The following CKAP5 variants were observed in gnomAD, a reference collection of about 807,000 sequenced individuals.
The protein encoded by CKAP5 is cytoskeleton-associated protein 5.
Under a neutral mutation model 232.8 loss-of-function variants are expected in CKAP5, and 27 were observed. The ratio of observed to expected loss-of-function variants is 0.12; its 90% CI spans 0.09 to 0.16. The LOEUF (loss-of-function observed/expected upper bound fraction) is 0.16, where lower values mean the gene tolerates loss of function less well. Among genes scored for constraint, CKAP5 ranks in the 10% least tolerant of loss-of-function variants. The probability of loss-of-function intolerance (pLI) is 1.00; values close to 1 mark genes in which losing one functional copy is unlikely to be tolerated. For synonymous variants in CKAP5, 785 were observed against 841.1 expected (o/e 0.93, Z 1.16); for missense variants, 1,838 against 2,424.7 (o/e 0.76, Z 5.08).
intron 34 of CKAP5, 36 bp from the exon 35 acceptor site, chr11:46,759,079 A>G: frequency 6.2e-7 from 1 of 1,607,452 alleles, no homozygotes; most frequent in Non-Finnish European, 8.5e-7. Flanking sequence ...TTCAACCTCT[A>G]TTACAAGACA....
Position 46,809,831 on chromosome 11 carries a change from G to C in CKAP5, c.674C>G (p.Ala225Gly). 6.2e-7 allele frequency: 1 copy of C among 1,613,036 alleles called. No homozygotes were observed. Among genetic ancestry groups the C allele is most frequent in the Non-Finnish European group, 8.5e-7 (1 of 1,179,676 alleles). The change falls in exon 6 of 44, where the codon GCT (alanine) becomes GGT (glycine). Residue 225 changes from alanine to glycine, a missense_variant. Coordinates refer to ENST00000529230, the MANE Select transcript of CKAP5 (RefSeq NM_001008938.4). ...EEEWVKLPTS[A>G]PRPTRFLRSQ... ...ACGAAGAAATCGAGTAGGTCTAGGA[G>C]CACTTGTTGGCAGTTTGACCCATTC...
intron 1 of CKAP5, among the ~76,000 whole-genome samples, chr11:46,834,684 T>C (rs1939876668): frequency 6.6e-6 from 1 of 152,168 alleles, no homozygotes; most frequent in African/African-American, 2.4e-5. Flanking sequence ...AAAAATTATA[T>C]GCTATTTGGT....
At position 46,846,248 on chromosome 11, in the gene CKAP5, C is replaced by G. The variant is rs1045030610; in HGVS notation, c.-66G>C. Reference sequence around the variant, plus strand: ...AGCTGGGTCAGAACCAAGCGGCCTGCTCTAAGCCGTTTGAAACCGCTTGGG... The same window carrying G: ...AGCTGGGTCAGAACCAAGCGGCCTGGTCTAAGCCGTTTGAAACCGCTTGGG... On this transcript the variant is annotated 5_prime_UTR_variant, in exon 1 of 44. Transcript: ENST00000529230. 93 of 152,326 alleles carry G rather than the reference C, an allele frequency of 6.1e-4. No individual in the cohort carries two copies. The highest frequency in any genetic ancestry group is 1.9e-3 in the African/African-American group (80 of 41,426). The allele number at this position is 152,326 out of a possible 1,614,324, so 9.4% of individuals were successfully genotyped here.
chr11:46,789,405 T>C (rs796590402), intron 15 of CKAP5, among the ~76,000 whole-genome samples: 3 of 152,088 alleles, frequency 2.0e-5, no homozygotes, highest in African/African-American at 7.2e-5. Context: ...ATCATGATGA[T>C]AAAGGGGAGA....
At chr11:46,821,140 A>G in intron 2 of CKAP5, 35 bp downstream of exon 2, 1 of 1,539,384 alleles carries the variant, frequency 6.5e-7, no homozygotes, top group Non-Finnish European at 9.0e-7. Context: ...AAACAAGCCA[A>G]CGACACTGAA....
intron 1 of CKAP5, among the ~76,000 whole-genome samples, chr11:46,845,654 A>C (rs1363550764): frequency 6.6e-6 from 1 of 152,158 alleles, no homozygotes; most frequent in African/African-American, 2.4e-5. Context: ...CGCTCCCGAC[A>C]CGTTGAGAGA....
Position 46,808,155 on chromosome 11 carries a change from C to T in CKAP5, c.865-11G>A. The T allele has an allele frequency of 6.7e-7, 1 of 1,492,932 alleles. No individual in the cohort carries two copies. 92.5% of individuals were successfully genotyped at this position (1,492,932 alleles called of 1,614,324 possible). A position where few individuals can be genotyped will look rare whatever the true frequency, so the allele number is the denominator to read the frequency against. The stretch of plus-strand genomic sequence containing the variant: ...CCATTTTTTTGCCTCCTGCAAGATA[C>T]AATATGAGTCATTTGTAACAGGAAA... On this transcript the variant is annotated splice_polypyrimidine_tract_variant and intron_variant, in intron 7 of 43. Coordinates refer to ENST00000529230, the MANE Select transcript of CKAP5 (RefSeq NM_001008938.4).
chr11:46,815,049 GTATT>G (rs1244646296), intron 4 of CKAP5, among the ~76,000 whole-genome samples: 4 of 152,078 alleles, frequency 2.6e-5, no homozygotes, highest in Non-Finnish European at 4.4e-5. Context: ...TTTTTAAAAT[GTATT>G]TATTTATTTA....
rs1939264905 is a variant in CKAP5 at position 46,811,127 on chromosome 11, T to C, written c.510A>G (p.Pro170=). The change falls in exon 5 of 44, where the codon CCA becomes CCG. Residue 170 remains proline (P), a synonymous_variant. Transcript: ENST00000529230. ...ILLKPIIKVL[P]KLFESREKAV... The stretch of plus-strand genomic sequence containing the variant: ...CCTTCTCTCGAGACTCAAAGAGTTT[T>C]GGCAACACTTTGATAATTGGCTTAA... 1 of 1,613,936 alleles carries C rather than the reference T, an allele frequency of 6.2e-7. No individual in the cohort carries two copies. The highest frequency in any genetic ancestry group is 1.7e-5 in the Admixed American group (1 of 59,986).
chr11:46,748,837 T>C (rs1199854910), intron 42 of CKAP5, among the ~76,000 whole-genome samples: 1 of 151,666 alleles, frequency 6.6e-6, no homozygotes, highest in Non-Finnish European at 1.5e-5. Context: ...AGTTTTTTTG[T>C]TTGTTTGTTT....
chr11:46,786,717 G>A (rs2065397670), intron 16 of CKAP5, among the ~76,000 whole-genome samples: 2 of 152,266 alleles, frequency 1.3e-5, no homozygotes, highest in South Asian at 4.2e-4. Flanking sequence ...ACTGAAAAGG[G>A]CCCTAATCTC....
chr11:46,801,319 A>G lies in CKAP5; in HGVS notation c.979-15T>C. 6.3e-7 allele frequency: 1 copy of G among 1,584,986 alleles called. No homozygotes were observed. The highest frequency in any genetic ancestry group is 8.7e-7 in the Non-Finnish European group (1 of 1,153,924). On this transcript the variant is annotated splice_polypyrimidine_tract_variant and intron_variant, in intron 8 of 43. Coordinates refer to ENST00000529230, the MANE Select transcript of CKAP5 (RefSeq NM_001008938.4). The stretch of plus-strand genomic sequence containing the variant: ...TTTCCAACAACCTACAAAGGGGGGT[A>G]AAAAGGAAAACAAAATAGTCACAGC...
intron 2 of CKAP5, among the ~76,000 whole-genome samples, chr11:46,819,387 C>T (rs1939476922): frequency 6.6e-6 from 1 of 152,034 alleles, no homozygotes. Flanking sequence ...TGGAAAAGGC[C>T]AGATCATGCA....
intron 30 of CKAP5, 37 bp downstream of exon 30, chr11:46,762,939 A>T (rs1565722393): frequency 1.9e-6 from 3 of 1,552,564 alleles, no homozygotes; most frequent in Non-Finnish European, 1.8e-6. Context: ...TCAGCTGGGA[A>T]CTTAAGCAGT....
rs1175688789 is a variant in CKAP5 at position 46,778,505 on chromosome 11, T to G, written c.2528A>C (p.Asp843Ala). ...AAGATCAACGACATCATTGCTCCCGTCATCTGGTTCATCTCCATCTTCTCC... is the reference window on the plus strand; with the variant it reads ...AAGATCAACGACATCATTGCTCCCGGCATCTGGTTCATCTCCATCTTCTCC... Reference protein sequence around the residue: ...DEGEDGDEPDDGSNDVVDLLP... With the variant: ...DEGEDGDEPDAGSNDVVDLLP... The change falls in exon 21 of 44, where the codon GAC becomes GCC. Residue 843 changes from aspartate (D) to alanine (A), a missense_variant. Asp to Ala is a moderately radical substitution (Grantham distance 126). Transcript: ENST00000529230. 1.2e-6 allele frequency: 2 copies of G among 1,614,126 alleles called. No individual in the cohort carries two copies. The highest frequency in any genetic ancestry group is 1.7e-6 in the Non-Finnish European group (2 of 1,180,022).
At chr11:46,772,348 T>C (rs890192406) in intron 24 of CKAP5, among the ~76,000 whole-genome samples, 5 of 152,316 alleles carry the variant, frequency 3.3e-5, no homozygotes, top group Admixed American at 6.5e-5. Flanking sequence ...TTATGGATTA[T>C]GGTTTTGGTT....
intron 26 of CKAP5, among the ~76,000 whole-genome samples, chr11:46,768,184 C>T (rs191544466): frequency 1.4e-4 from 21 of 152,142 alleles, no homozygotes; most frequent in East Asian, 9.7e-4. Context: ...CATTTACCAA[C>T]ATTTAAACTG....
chr11:46,798,581 C>CAAA (rs112443231), intron 9 of CKAP5, among the ~76,000 whole-genome samples: 11 of 90,874 alleles, frequency 1.2e-4, no homozygotes, highest in Admixed American at 2.4e-4. Context: ...CCCTGTCTTC[C>CAAA]AAAAAAAAAA....
chr11:46,829,752 G>A (rs1272908181), intron 1 of CKAP5, among the ~76,000 whole-genome samples: 1 of 151,854 alleles, frequency 6.6e-6, no homozygotes, highest in African/African-American at 2.4e-5. Context: ...ATTGCTCAAG[G>A]GTCAAATGTG....
Sources: gnomAD v4.1 joint callset for allele counts (sites outside exome capture counted in the v4.1 genomes callset) on GRCh38, gnomAD v4.1.1 for gene constraint, MANE v1.5 for transcripts, NCBI Gene and HGNC (gene_info 2026-07-23, HGNC 2026-07-21) for gene names.